Variants in SLC38A6 observed in about 807,000 individuals in gnomAD.
The protein encoded by SLC38A6 is solute carrier family 38 member 6, also known as N system amino acid transporter NAT-1.
A neutral mutation model predicts 65.0 loss-of-function variants in SLC38A6; 73 were observed. The ratio of observed to expected loss-of-function variants is 1.12; its 90% CI spans 0.93 to 1.37. The LOEUF (loss-of-function observed/expected upper bound fraction) is 1.37, where lower values mean the gene tolerates loss of function less well. Ranked by LOEUF, SLC38A6 falls within the 40% of genes most tolerant of loss-of-function variation. The pLI is 0.00. For missense variants in SLC38A6, 561 were observed against 531.1 expected (o/e 1.06, Z -0.55); for synonymous variants, 183 against 178.8 (o/e 1.02, Z -0.19).
chr14:61,039,095 C>A (rs1439854117), intron 8 of SLC38A6, among the ~76,000 whole-genome samples: 1 of 152,154 alleles, frequency 6.6e-6, no homozygotes, highest in African/African-American at 2.4e-5. Context: ...ATTTAGTTTT[C>A]ATAGCCAATA....
At position 61,015,858 on chromosome 14, in the gene SLC38A6, A is replaced by G. The variant is rs377273634; in HGVS notation, c.311-46A>G. The G allele has an allele frequency of 7.3e-6, 11 of 1,505,026 alleles. No individual in the cohort carries two copies. In the African/African-American group the frequency reaches 1.5e-4, roughly 21 times the overall value. The allele number at this position is 1,505,026 out of a possible 1,614,324, so 93.2% of individuals were successfully genotyped here. On this transcript the variant is annotated intron_variant, in intron 3 of 15. Transcript: ENST00000267488. ...TGCTCTTCTCTTTAGGACCTGACAC[A>G]TAAATAGTTTTGTGTAAAAGTGAAC...
chr14:60,984,900 G>C, intron 3 of SLC38A6, 97 bp downstream of exon 3: 1 of 1,176,548 alleles, frequency 8.5e-7, no homozygotes, highest in Non-Finnish European at 1.2e-6. Flanking sequence ...TATCCAGTGA[G>C]CATACATTTT....
intron 3 of SLC38A6, among the ~76,000 whole-genome samples, chr14:60,986,702 T>A (rs1487490239): frequency 5.9e-5 from 9 of 152,342 alleles, no homozygotes; most frequent in African/African-American, 2.2e-4. Context: ...TTTTGCTGAA[T>A]GTGAAAAAAA....
chr14:61,053,190 C>A (rs1406883820), downstream of SLC38A6, among the ~76,000 whole-genome samples: 3 of 152,074 alleles, frequency 2.0e-5, no homozygotes, highest in Admixed American at 6.6e-5. Flanking sequence ...ATCCATGTTC[C>A]TGCAAAAGAC....
intron 5 of SLC38A6, 116 bp downstream of exon 5, chr14:61,019,696 A>T (rs2040238035): frequency 1.9e-6 from 2 of 1,041,556 alleles, no homozygotes; most frequent in Non-Finnish European, 1.5e-6. Context: ...TATCTTCAGA[A>T]GCCTGTGTGT....
In SLC38A6 at chr14:61,015,924, C is replaced by G. The variant is rs757932537; in HGVS notation, c.331C>G (p.Leu111Val). ...IQTAVTSYEDLGLFAFGLPGK... is the reference protein window; with the variant it reads ...IQTAVTSYEDVGLFAFGLPGK... ...AACAGCTGTAACATCTTATGAAGATCTTGGACTCTTTGCATTTGGATTACC... is the reference window on the plus strand; with the variant it reads ...AACAGCTGTAACATCTTATGAAGATGTTGGACTCTTTGCATTTGGATTACC... The change falls in exon 4 of 16, where the codon CTT (leucine) becomes GTT (valine). Residue 111 changes from leucine (L) to valine (V), a missense_variant. Physicochemically the swap from Leu to Val is conservative, Grantham distance 32. Transcript: ENST00000267488. 5 of 1,608,438 alleles carry G rather than the reference C, an allele frequency of 3.1e-6. No homozygotes were observed. Among genetic ancestry groups the G allele is most frequent in the Non-Finnish European group, 4.2e-6 (5 of 1,178,564 alleles).
intron 15 of SLC38A6, among the ~76,000 whole-genome samples, chr14:61,067,226 C>A (rs1256026905): frequency 1.3e-5 from 2 of 152,144 alleles, no homozygotes; most frequent in African/African-American, 2.4e-5. Context: ...GCTGAAGACT[C>A]AATATTTGAC....
chr14:61,051,522 T>A (rs577531704), intron 13 of SLC38A6, among the ~76,000 whole-genome samples: 4 of 152,300 alleles, frequency 2.6e-5, no homozygotes, highest in South Asian at 2.1e-4. Flanking sequence ...TTGGTAATTT[T>A]AAAAATTATG....
intron 15 of SLC38A6, among the ~76,000 whole-genome samples, chr14:61,074,774 A>C (rs2043345670): frequency 6.7e-6 from 1 of 148,920 alleles, no homozygotes; most frequent in Non-Finnish European, 1.5e-5. Context: ...CCCTTTCTCC[A>C]AAAGGATAAG....
chr14:61,063,863 C>T (rs1433793429), intron 15 of SLC38A6, among the ~76,000 whole-genome samples: 1 of 152,164 alleles, frequency 6.6e-6, no homozygotes, highest in African/African-American at 2.4e-5. Flanking sequence ...GCCTATTATA[C>T]AGGGTCATAT....
chr14:61,042,451 C>G (rs927180594), intron 8 of SLC38A6, among the ~76,000 whole-genome samples: 16 of 152,162 alleles, frequency 1.1e-4, no homozygotes, highest in African/African-American at 3.9e-4. Context: ...AGAGCCACAG[C>G]TATAGGTCTG....
At chr14:60,996,523 G>C (rs1029509006) in intron 3 of SLC38A6, among the ~76,000 whole-genome samples, 2 of 151,900 alleles carry the variant, frequency 1.3e-5, no homozygotes, top group African/African-American at 4.8e-5. Flanking sequence ...GCAAATAATA[G>C]AAATTCTGCA....
chr14:61,043,296 G>C (rs978945417), intron 9 of SLC38A6, 84 bp downstream of exon 9: 13 of 1,106,714 alleles, frequency 1.2e-5, no homozygotes, highest in African/African-American at 1.6e-5. Flanking sequence ...TTTTCTGATT[G>C]ATGAAAAAGT....
At chr14:61,028,822 T>C (rs970368079) in intron 5 of SLC38A6, among the ~76,000 whole-genome samples, 1 of 152,164 alleles carries the variant, frequency 6.6e-6, no homozygotes, top group African/African-American at 2.4e-5. Context: ...CTAAAAAAAA[T>C]TGAGAGTGTA....
chr14:61,051,431 T>C (rs536597863), intron 13 of SLC38A6, among the ~76,000 whole-genome samples: 1 of 152,344 alleles, frequency 6.6e-6, no homozygotes, highest in Admixed American at 6.5e-5. Context: ...TGATTTCTTT[T>C]TCTATTATAA....
chr14:60,994,766 G>C (rs1357066979), intron 3 of SLC38A6, among the ~76,000 whole-genome samples: 4 of 150,202 alleles, frequency 2.7e-5, no homozygotes, highest in Non-Finnish European at 5.9e-5. Context: ...CACTTTGGGA[G>C]GCCGAGGTGG....
At chr14:61,061,231 G>A (rs2042829536) in intron 15 of SLC38A6, among the ~76,000 whole-genome samples, 1 of 152,172 alleles carries the variant, frequency 6.6e-6, no homozygotes, top group Non-Finnish European at 1.5e-5. Flanking sequence ...TTTATGTGAT[G>A]AATCACATTT....
At chr14:61,045,561 A>C (rs1321122495) in intron 11 of SLC38A6, 136 bp downstream of exon 11, 2 of 644,532 alleles carry the variant, frequency 3.1e-6, no homozygotes, top group Non-Finnish European at 5.2e-6. Flanking sequence ...AAAACAAAAC[A>C]AACAAGAGTT....
intron 11 of SLC38A6, 72 bp downstream of exon 11, chr14:61,045,497 A>G (rs2042084171): frequency 8.8e-7 from 1 of 1,134,206 alleles, no homozygotes; most frequent in East Asian, 2.4e-5. Context: ...GGATTGAATG[A>G]CATCCTCTTT....
Sources: allele counts gnomAD v4.1 joint callset (sites outside exome capture counted in the v4.1 genomes callset), GRCh38; gene constraint gnomAD v4.1.1; transcripts MANE v1.5; gene names NCBI Gene and HGNC (gene_info 2026-07-23, HGNC 2026-07-21).